Variants in MOB3B observed in about 807,000 individuals in gnomAD.
MOB3B encodes the protein MOB kinase activator-like 2B.
Under a neutral mutation model 18.7 loss-of-function variants are expected in MOB3B, and 7 were observed. That is an observed-to-expected ratio of 0.37 (90% CI 0.21 to 0.70). The LOEUF (loss-of-function observed/expected upper bound fraction) is 0.70, where lower values mean the gene tolerates loss of function less well. Ranked by LOEUF, MOB3B falls within the 30% of genes least tolerant of loss-of-function variation. The pLI is 0.52. For synonymous variants in MOB3B, 111 were observed against 99.9 expected (o/e 1.11, Z -0.66); for missense variants, 253 against 281.3 (o/e 0.90, Z 0.72).
chr9:27,370,774 G>C (rs1050772462), intron 2 of MOB3B, among the ~76,000 whole-genome samples: 29 of 152,184 alleles, frequency 1.9e-4, no homozygotes, highest in African/African-American at 7.0e-4. Flanking sequence ...AATAACCATA[G>C]AAACCTGAGT....
intron 2 of MOB3B, 33 bp downstream of exon 2, chr9:27,455,100 G>C: frequency 1.9e-6 from 3 of 1,612,870 alleles, no homozygotes; most frequent in Non-Finnish European, 2.5e-6. Flanking sequence ...TTGTGCAGGT[G>C]ACAAAAAAAC....
chr9:27,375,193 G>A (rs1220495248), intron 2 of MOB3B, among the ~76,000 whole-genome samples: 1 of 152,342 alleles, frequency 6.6e-6, no homozygotes, highest in Middle Eastern at 3.4e-3. Flanking sequence ...CATTACCCTA[G>A]TAACACTGTC....
At chr9:27,504,996 C>A (rs1820038457) in intron 1 of MOB3B, among the ~76,000 whole-genome samples, 1 of 152,274 alleles carries the variant, frequency 6.6e-6, no homozygotes, top group East Asian at 1.9e-4. Context: ...TTGCCTGCCT[C>A]CTTCTCATAA....
chr9:27,482,002 C>T (rs1019901239), intron 1 of MOB3B, among the ~76,000 whole-genome samples: 1 of 151,628 alleles, frequency 6.6e-6, no homozygotes, highest in African/African-American at 2.4e-5. Context: ...TGCTATTGAT[C>T]CAGTGGAGGG....
At chr9:27,518,209 G>A (rs73643404) in intron 1 of MOB3B, among the ~76,000 whole-genome samples, 3,754 of 152,146 alleles carry the variant, frequency 0.025, 166 homozygotes, top group African/African-American at 0.085. Flanking sequence ...TCTCCACAAC[G>A]CCAACTCCTT....
At chr9:27,497,717 A>T (rs1354042579) in intron 1 of MOB3B, among the ~76,000 whole-genome samples, 1 of 152,174 alleles carries the variant, frequency 6.6e-6, no homozygotes, top group African/African-American at 2.4e-5. Context: ...GTCTTCCTAC[A>T]TGGGGAATTA....
chr9:27,486,431 A>C (rs1006840375), intron 1 of MOB3B, among the ~76,000 whole-genome samples: 1 of 152,212 alleles, frequency 6.6e-6, no homozygotes, highest in Non-Finnish European at 1.5e-5. Context: ...TCTGGCTCAA[A>C]TTTGAAGCAC....
chr9:27,380,421 T>G (rs1293151488), intron 2 of MOB3B, among the ~76,000 whole-genome samples: 2 of 151,938 alleles, frequency 1.3e-5, no homozygotes, highest in East Asian at 1.9e-4. Flanking sequence ...GTATTTTTAG[T>G]AGAGACAGGT....
At chr9:27,378,714 G>T in intron 2 of MOB3B, 1 of 470,804 alleles carries the variant, frequency 2.1e-6, no homozygotes, top group Non-Finnish European at 4.4e-6. Context: ...AGTATTGCAT[G>T]TGCATGGGCA....
In MOB3B at chr9:27,488,590, TAGAG is replaced by T. The variant is rs962035362; in HGVS notation, c.-198-32846_-198-32843del. 4.0e-4 allele frequency among the ~76,000 whole-genome samples: 61 copies of T among 152,224 alleles called. 1 individual carries two copies. The highest frequency in any genetic ancestry group is 1.5e-3 in the African/African-American group (61 of 41,538). ...ACTCGGCTAACTTTTGTATTTTTAG[TAGAG>T]ACAGGGTTTCACCACATTGGCCAGG... On this transcript the variant is annotated intron_variant, in intron 1 of 3. Coordinates refer to ENST00000262244, the MANE Select transcript of MOB3B (RefSeq NM_024761.5).
Position 27,385,457 on chromosome 9 carries a change from T to C in MOB3B, c.419-26221A>G, listed in dbSNP as rs181241190. On this transcript the variant is annotated intron_variant, in intron 2 of 3. Coordinates refer to ENST00000262244, the MANE Select transcript of MOB3B (RefSeq NM_024761.5). Reference sequence around the variant, plus strand: ...GTTTTACAAAGGTGCCTAAGGGGCCTTGGTGAGGTGTCAGGGTGGTGAGGG... The same window carrying C: ...GTTTTACAAAGGTGCCTAAGGGGCCCTGGTGAGGTGTCAGGGTGGTGAGGG... Among the ~76,000 whole-genome samples, 304 of 152,266 alleles carry C rather than the reference T, an allele frequency of 2.0e-3. 1 individual carries two copies. The highest frequency in any genetic ancestry group is 7.1e-3 in the African/African-American group (295 of 41,570).
intron 1 of MOB3B, among the ~76,000 whole-genome samples, chr9:27,491,205 G>C (rs1039712414): frequency 1.3e-5 from 2 of 152,124 alleles, no homozygotes; most frequent in Non-Finnish European, 2.9e-5. Context: ...CTGTTCATTT[G>C]AAGCTATCAC....
intron 1 of MOB3B, among the ~76,000 whole-genome samples, chr9:27,509,074 G>C (rs745708968): frequency 2.0e-4 from 30 of 152,204 alleles, no homozygotes; most frequent in Non-Finnish European, 7.3e-5. Context: ...CCACTCTCCA[G>C]TGTACCATGC....
intron 1 of MOB3B, chr9:27,524,316 A>AT (rs757942265): frequency 3.1e-6 from 5 of 1,601,062 alleles, no homozygotes; most frequent in African/African-American, 2.7e-5. Context: ...CATCTTCTGG[A>AT]TTTTTTAGCT....
At chr9:27,368,349 T>TACAC (rs747975520) in intron 2 of MOB3B, among the ~76,000 whole-genome samples, 58 of 115,848 alleles carry the variant, frequency 5.0e-4, no homozygotes, top group African/African-American at 1.7e-3. Flanking sequence ...TACACACACA[T>TACAC]ACATACACAC....
rs191451617 is a variant in MOB3B at position 27,342,189 on chromosome 9, G to A, written c.622-11573C>T. On this transcript the variant is annotated intron_variant, in intron 3 of 3. Coordinates refer to ENST00000262244, the MANE Select transcript of MOB3B (RefSeq NM_024761.5). ...CAGAAAAGCTGGCTGACCTCGCGTC[G>A]CACCATGCCAATACCATGACCAGTG... Among the ~76,000 whole-genome samples the A allele has an allele frequency of 1.6e-4, 24 of 152,182 alleles. 1 individual carries two copies. Among genetic ancestry groups the A allele is most frequent in the South Asian group, 1.2e-3 (6 of 4,810 alleles).
intron 2 of MOB3B, among the ~76,000 whole-genome samples, chr9:27,418,186 G>A (rs1822183978): frequency 6.7e-6 from 1 of 149,330 alleles, no homozygotes; most frequent in Admixed American, 6.7e-5. Context: ...CAGCGAGATT[G>A]AAATGGTAAC....
At chr9:27,439,360 T>C (rs894339484) in intron 2 of MOB3B, among the ~76,000 whole-genome samples, 4 of 152,222 alleles carry the variant, frequency 2.6e-5, no homozygotes, top group African/African-American at 4.8e-5. Flanking sequence ...CTTCTCTTCC[T>C]AGCCGGTGAG....
At chr9:27,458,365 T>C (rs1253662257) in intron 1 of MOB3B, among the ~76,000 whole-genome samples, 3 of 152,200 alleles carry the variant, frequency 2.0e-5, no homozygotes, top group African/African-American at 7.2e-5. Context: ...GACGGGAGCA[T>C]GTGAATAACA....
Sources: gnomAD v4.1 joint callset for allele counts (sites outside exome capture counted in the v4.1 genomes callset) on GRCh38, gnomAD v4.1.1 for gene constraint, MANE v1.5 for transcripts, NCBI Gene and HGNC (gene_info 2026-07-23, HGNC 2026-07-21) for gene names.